Variants in PCYT1A observed in about 807,000 individuals in gnomAD.
PCYT1A encodes choline-phosphate cytidylyltransferase A.
A neutral mutation model predicts 43.7 loss-of-function variants in PCYT1A; 25 were observed. The ratio of observed to expected loss-of-function variants is 0.57; its 90% CI spans 0.42 to 0.80. The LOEUF is 0.80. PCYT1A is among the 30% of genes least tolerant of loss of function. The pLI, the probability that PCYT1A is intolerant of heterozygous loss-of-function variation, is 0.00. For missense variants in PCYT1A, 421 were observed against 474.2 expected (o/e 0.89, Z 1.04); for synonymous variants, 172 against 170.7 (o/e 1.01, Z -0.06).
At chr3:196,274,736 G>A (rs1019655577) in intron 1 of PCYT1A, among the ~76,000 whole-genome samples, 5 of 152,214 alleles carry the variant, frequency 3.3e-5, no homozygotes, top group African/African-American at 1.2e-4. Context: ...GCTCAACTCC[G>A]AGTGGCAATA....
chr3:196,260,383 T>C (rs1725074014), intron 2 of PCYT1A, among the ~76,000 whole-genome samples: 1 of 152,142 alleles, frequency 6.6e-6, no homozygotes, highest in Non-Finnish European at 1.5e-5. Context: ...ACAGTCTTGG[T>C]AAGGATGTGA....
intron 5 of PCYT1A, among the ~76,000 whole-genome samples, chr3:196,243,989 C>A (rs1159024448): frequency 1.3e-5 from 2 of 152,150 alleles, no homozygotes; most frequent in Non-Finnish European, 2.9e-5. Context: ...CTCTGCCTGG[C>A]CGCCCATCGT....
chr3:196,248,754 CT>C (rs200812322), intron 3 of PCYT1A, among the ~76,000 whole-genome samples: 4 of 146,750 alleles, frequency 2.7e-5, no homozygotes, highest in Non-Finnish European at 6.1e-5. Flanking sequence ...ATACTCCTTT[CT>C]TTTTTTTTAT....
chr3:196,246,001 T>C (rs1354834657), intron 5 of PCYT1A, among the ~76,000 whole-genome samples: 1 of 150,280 alleles, frequency 6.7e-6, no homozygotes, highest in Admixed American at 6.6e-5. Flanking sequence ...GTTGAGTATA[T>C]ATTGTTAACA....
chr3:196,280,512 T>G (rs1725732419), intron 1 of PCYT1A, among the ~76,000 whole-genome samples: 1 of 152,028 alleles, frequency 6.6e-6, no homozygotes, highest in East Asian at 1.9e-4. Flanking sequence ...AACCAGTTAT[T>G]ATACAATATT....
chr3:196,249,831 C>CTGAGGATCAGATACACTATGCTGAGGT (rs1444295951), intron 3 of PCYT1A, among the ~76,000 whole-genome samples: 45 of 150,812 alleles, frequency 3.0e-4, no homozygotes, highest in South Asian at 4.2e-4. Flanking sequence ...TATGCTGAGG[C>CTGAGGATCAGATACACTATGCTGAGGT]TGAGGACCAG....
intron 3 of PCYT1A, among the ~76,000 whole-genome samples, chr3:196,256,909 G>T (rs1724966219): frequency 6.6e-6 from 1 of 152,154 alleles, no homozygotes; most frequent in African/African-American, 2.4e-5. Context: ...CAATTAAGAA[G>T]TAACCACAAA....
chr3:196,274,545 G>T (rs1330653065), intron 1 of PCYT1A, among the ~76,000 whole-genome samples: 2 of 152,198 alleles, frequency 1.3e-5, no homozygotes, highest in African/African-American at 4.8e-5. Flanking sequence ...GGGGGTAGGG[G>T]AAACTCTATG....
chr3:196,280,219 A>G (rs1289696945), intron 1 of PCYT1A, among the ~76,000 whole-genome samples: 1 of 152,066 alleles, frequency 6.6e-6, no homozygotes, highest in East Asian at 1.9e-4. Context: ...ACTATGTAAC[A>G]ATCTAAATAT....
intron 3 of PCYT1A, among the ~76,000 whole-genome samples, chr3:196,249,965 G>A (rs1240049709): frequency 6.6e-6 from 1 of 151,624 alleles, no homozygotes; most frequent in Non-Finnish European, 1.5e-5. Flanking sequence ...CCATGCTGAG[G>A]TTGAGTACCA....
chr3:196,284,918 T>C (rs1725864626), intron 1 of PCYT1A, among the ~76,000 whole-genome samples: 1 of 152,160 alleles, frequency 6.6e-6, no homozygotes, highest in South Asian at 2.1e-4. Context: ...ATGTAGAATG[T>C]AAGTCAAGTA....
At chr3:196,258,100 C>T (rs1241811223) in intron 2 of PCYT1A, among the ~76,000 whole-genome samples, 7 of 152,028 alleles carry the variant, frequency 4.6e-5, no homozygotes, top group African/African-American at 1.7e-4. Flanking sequence ...TCCTGGCTAA[C>T]ATGGTGAAAC....
intron 3 of PCYT1A, among the ~76,000 whole-genome samples, chr3:196,255,912 T>C (rs1449011449): frequency 6.6e-6 from 1 of 152,218 alleles, no homozygotes; most frequent in African/African-American, 2.4e-5. Flanking sequence ...ATGTGAACCC[T>C]GAACTATCTT....
rs1724836348 is a variant in PCYT1A at position 196,252,630 on chromosome 3, G to C, written c.218-4307C>G. 4.6e-5 allele frequency among the ~76,000 whole-genome samples: 7 copies of C among 152,136 alleles called. No individual in the cohort carries two copies. Among genetic ancestry groups the C allele is most frequent in the Admixed American group, 3.9e-4 (6 of 15,266 alleles). On this transcript the variant is annotated intron_variant, in intron 3 of 8. Transcript: ENST00000431016. This position sits in a 1 kb window ranked among gnomAD's most constrained non-coding sequence, Gnocchi z 4.0. ...ATGAAAAACTAAGAATTAATTAATG[G>C]ATTTAAGAGTCAGAAAGGTCATAGC...
intron 7 of PCYT1A, chr3:196,241,432 C>T: frequency 1.9e-6 from 2 of 1,051,384 alleles, no homozygotes; most frequent in Non-Finnish European, 2.6e-6. Flanking sequence ...AAGCAGTCCT[C>T]CCGCCTCAGC....
chr3:196,270,327 T>C, intron 2 of PCYT1A, 88 bp downstream of exon 2: 2 of 850,308 alleles, frequency 2.4e-6, no homozygotes, highest in Non-Finnish European at 3.9e-6. Flanking sequence ...TATTCCTTCT[T>C]TTCATTATTT....
At chr3:196,286,065 T>TC (rs1725903779) in intron 1 of PCYT1A, among the ~76,000 whole-genome samples, 1 of 82,344 alleles carries the variant, frequency 1.2e-5, no homozygotes, top group Non-Finnish European at 2.8e-5. Flanking sequence ...CTGTCCCTTT[T>TC]TTTTTTTTTT....
Position 196,247,295 on chromosome 3 carries a change from C to T in PCYT1A, c.486+72G>A, listed in dbSNP as rs527893599. On this transcript the variant is annotated intron_variant, in intron 5 of 8. Coordinates refer to ENST00000431016, the MANE Select transcript of PCYT1A (RefSeq NM_001312673.2). This position sits in a 1 kb window ranked among gnomAD's most constrained non-coding sequence, Gnocchi z 4.8. ...AAAACACGGCTAGTGGAAAACCAGC[C>T]TACGTGCCAGCAGCTTTGAGAGTTG... 15 of 1,528,468 alleles carry T rather than the reference C, an allele frequency of 9.8e-6. No individual in the cohort carries two copies. The East Asian group carries it at 2.9e-4, about 30-fold the overall frequency. 94.7% of individuals were successfully genotyped at this position (1,528,468 alleles called of 1,614,324 possible). A position where few individuals can be genotyped will look rare whatever the true frequency, so the allele number is the denominator to read the frequency against.
chr3:196,265,697 C>T (rs73212142), intron 2 of PCYT1A, among the ~76,000 whole-genome samples: 2 of 151,572 alleles, frequency 1.3e-5, no homozygotes, highest in African/African-American at 2.4e-5. Flanking sequence ...CAGAGGTGGG[C>T]GGATAGCTTG....
Sources: gnomAD v4.1 joint callset for allele counts (sites outside exome capture counted in the v4.1 genomes callset) on GRCh38, gnomAD v4.1.1 for gene constraint, Gnocchi (gnomAD v3.1) non-coding constraint, MANE v1.5 for transcripts, NCBI Gene and HGNC (gene_info 2026-07-23, HGNC 2026-07-21) for gene names.